GLDC: variants seen among roughly 807,000 people sequenced by gnomAD.
GLDC encodes the protein glycine dehydrogenase (decarboxylating), mitochondrial.
GLDC carries 104 observed loss-of-function variants against 121.3 expected under a neutral mutation model. The ratio of observed to expected loss-of-function variants is 0.86; its 90% CI spans 0.73 to 1.01. GLDC has a LOEUF of 1.01. GLDC is among the 50% of genes least tolerant of loss of function. The pLI, the probability that GLDC is intolerant of heterozygous loss-of-function variation, is 0.00. For missense variants in GLDC, 1,429 were observed against 1,306.6 expected (o/e 1.09, Z -1.44); for synonymous variants, 546 against 480.6 (o/e 1.14, Z -1.78).
At chr9:6,565,782 G>T (rs1352539692) in intron 15 of GLDC, 3 of 502,030 alleles carry the variant, frequency 6.0e-6, no homozygotes, top group South Asian at 5.7e-5. Context: ...TACGACGTGT[G>T]TGTCAGCCAG....
Position 6,588,702 on chromosome 9 carries a change from G to C in GLDC, c.1581C>G (p.Ser527Arg). The change falls in exon 13 of 25, where the codon AGC becomes AGG. Residue 527 changes from serine (S) to arginine (R), a missense_variant and splice_region_variant. Ser to Arg is a moderately radical substitution (Grantham distance 110). Transcript: ENST00000321612. ...GGACAATGTTTGTTTCAGAGTGGTA[G>C]CTGTGAACACAAAACACAGAATTAG... ...SPFLTHQVFN[S>R]YHSETNIVRY... 1 of 1,607,434 alleles carries C rather than the reference G, an allele frequency of 6.2e-7. No homozygotes were observed. The highest frequency in any genetic ancestry group is 8.5e-7 in the Non-Finnish European group (1 of 1,173,904).
chr9:6,627,094 G>C (rs950559530), intron 2 of GLDC, among the ~76,000 whole-genome samples: 1 of 152,060 alleles, frequency 6.6e-6, no homozygotes, highest in Non-Finnish European at 1.5e-5. Context: ...AGGAGATCGA[G>C]ACCATCCTGG....
chr9:6,634,031 C>T (rs561166530), intron 2 of GLDC, among the ~76,000 whole-genome samples: 1 of 151,610 alleles, frequency 6.6e-6, no homozygotes, highest in East Asian at 2.0e-4. Flanking sequence ...GGGGTTTCAC[C>T]GTGTTAGCCA....
At chr9:6,550,569 G>A (rs1385287319) in intron 21 of GLDC, among the ~76,000 whole-genome samples, 1 of 152,210 alleles carries the variant, frequency 6.6e-6, no homozygotes, top group Non-Finnish European at 1.5e-5. Context: ...AGAAATTGCA[G>A]TGAGACAAGA....
chr9:6,540,582 T>C (rs1351481128), intron 21 of GLDC: 1 of 196,912 alleles, frequency 5.1e-6, no homozygotes, highest in Non-Finnish European at 1.1e-5. Flanking sequence ...ACCCTCAACA[T>C]CAAATAATTA....
chr9:6,642,558 TAA>T (rs1480430475), intron 2 of GLDC, among the ~76,000 whole-genome samples: 1 of 151,872 alleles, frequency 6.6e-6, no homozygotes, highest in African/African-American at 2.4e-5. Context: ...ATAAAAAAAT[TAA>T]GTTTATATTC....
chr9:6,579,975 TG>T (rs1294765186), intron 15 of GLDC, among the ~76,000 whole-genome samples: 2 of 152,166 alleles, frequency 1.3e-5, no homozygotes, highest in Non-Finnish European at 2.9e-5. Flanking sequence ...AGTCCTCTGT[TG>T]GGGGCAGTGG....
chr9:6,598,098 A>G (rs1015149764), intron 8 of GLDC, among the ~76,000 whole-genome samples: 1 of 152,160 alleles, frequency 6.6e-6, no homozygotes, highest in Non-Finnish European at 1.5e-5. Flanking sequence ...GTGTGATTGC[A>G]GCTCACTGCA....
Position 6,532,913 on chromosome 9 carries a change from T to C in GLDC, c.*104A>G. On this transcript the variant is annotated 3_prime_UTR_variant, in exon 25 of 25. Transcript: ENST00000321612. ...AGATTACAGAGATATACACAGTATA[T>C]AAAACTCCTACTTGAGGCTGGGGTG... 1.2e-6 allele frequency: 1 copy of C among 838,418 alleles called. No individual in the cohort carries two copies. The highest frequency in any genetic ancestry group is 1.7e-5 in the African/African-American group (1 of 60,150). 51.9% of individuals were successfully genotyped at this position (838,418 alleles called of 1,614,324 possible).
At chr9:6,556,446 G>T (rs1206949185) in intron 17 of GLDC, 144 bp from the exon 18 acceptor site, 7 of 681,564 alleles carry the variant, frequency 1.0e-5, no homozygotes, top group East Asian at 5.3e-5. Context: ...TACAATGACA[G>T]CAATAAAAAA....
chr9:6,600,629 C>A (rs1818588069), intron 8 of GLDC, among the ~76,000 whole-genome samples: 1 of 151,604 alleles, frequency 6.6e-6, no homozygotes, highest in Admixed American at 6.6e-5. Flanking sequence ...AAGATTGCGC[C>A]ACCCCATTCC....
intron 2 of GLDC, among the ~76,000 whole-genome samples, chr9:6,623,620 A>T (rs961932275): frequency 3.3e-5 from 5 of 152,202 alleles, no homozygotes; most frequent in East Asian, 1.9e-4. Context: ...AATAAAAAAA[A>T]AAATAAAAAA....
At chr9:6,589,950 G>A (rs1204933839) in intron 11 of GLDC, among the ~76,000 whole-genome samples, 1 of 151,984 alleles carries the variant, frequency 6.6e-6, no homozygotes, top group Non-Finnish European at 1.5e-5. Flanking sequence ...AGCTACTCGG[G>A]AGGCTGAGGC....
At chr9:6,596,707 AATAGGATGGCT>A (rs1292300335) in intron 8 of GLDC, among the ~76,000 whole-genome samples, 6 of 152,254 alleles carry the variant, frequency 3.9e-5, no homozygotes, top group African/African-American at 1.4e-4. Flanking sequence ...CTTGACATCC[AATAGGATGGCT>A]ATAACCAAAG....
chr9:6,547,032 T>C (rs558320238), intron 21 of GLDC, among the ~76,000 whole-genome samples: 89 of 152,054 alleles, frequency 5.9e-4, no homozygotes, highest in Non-Finnish European at 1.0e-3. Flanking sequence ...AGCAGCATAG[T>C]CTTTATCATT....
At chr9:6,641,777 G>A (rs1268378304) in intron 2 of GLDC, among the ~76,000 whole-genome samples, 3 of 152,140 alleles carry the variant, frequency 2.0e-5, no homozygotes, top group African/African-American at 7.2e-5. Context: ...TTTCCAAACT[G>A]ATCACAATCT....
chr9:6,586,440 A>T (rs1818274247), intron 15 of GLDC, among the ~76,000 whole-genome samples: 1 of 152,196 alleles, frequency 6.6e-6, no homozygotes, highest in Admixed American at 6.5e-5. Context: ...GTTGCTTTTG[A>T]AAATCACTGT....
intron 15 of GLDC, among the ~76,000 whole-genome samples, chr9:6,570,575 C>G (rs1048752579): frequency 6.6e-6 from 1 of 152,024 alleles, no homozygotes; most frequent in Admixed American, 6.6e-5. Flanking sequence ...GTTTCTTGAC[C>G]AGGCATGGTG....
chr9:6,587,398 C>A (rs868738947), intron 14 of GLDC, 115 bp from the exon 15 acceptor site: 2 of 776,144 alleles, frequency 2.6e-6, no homozygotes, highest in South Asian at 3.0e-5. Flanking sequence ...CTGTTCTAAG[C>A]GCTATACATA....
Sources: allele counts gnomAD v4.1 joint callset (sites outside exome capture counted in the v4.1 genomes callset), GRCh38; gene constraint gnomAD v4.1.1; transcripts MANE v1.5; gene names NCBI Gene and HGNC (gene_info 2026-07-23, HGNC 2026-07-21).